LATS2: variants seen among roughly 807,000 people sequenced by gnomAD.
LATS2 encodes the protein large tumor suppressor kinase 2.
LATS2 carries 24 observed loss-of-function variants against 76.0 expected under a neutral mutation model. That is an observed-to-expected ratio of 0.32 (90% CI 0.23 to 0.44). The LOEUF is 0.44. LATS2 is among the 20% of genes least tolerant of loss of function. The probability of loss-of-function intolerance (pLI) is 1.00; values close to 1 mark genes in which losing one functional copy is unlikely to be tolerated. For synonymous variants in LATS2, 692 were observed against 635.4 expected (o/e 1.09, Z -1.34); for missense variants, 1,286 against 1,481.2 (o/e 0.87, Z 2.16).
chr13:20,987,265 G>A (rs1278524387), intron 4 of LATS2, among the ~76,000 whole-genome samples: 1 of 151,956 alleles, frequency 6.6e-6, no homozygotes, highest in Non-Finnish European at 1.5e-5. Flanking sequence ...AAAAAAATCA[G>A]TGAATACGGG....
chr13:21,054,250 G>C (rs1382805753), intron 1 of LATS2, among the ~76,000 whole-genome samples: 1 of 152,066 alleles, frequency 6.6e-6, no homozygotes, highest in African/African-American at 2.4e-5. Flanking sequence ...CTTGAGGTCA[G>C]GAGTTCAAGA....
chr13:21,004,180 CA>C (rs1384702451), intron 2 of LATS2, among the ~76,000 whole-genome samples: 1 of 152,118 alleles, frequency 6.6e-6, no homozygotes, highest in Admixed American at 6.5e-5. Flanking sequence ...CACGCCTCAC[CA>C]ACCCAGCACT....
chr13:21,059,240 G>T (rs1038411037), intron 1 of LATS2, among the ~76,000 whole-genome samples: 1 of 152,110 alleles, frequency 6.6e-6, no homozygotes, highest in Non-Finnish European at 1.5e-5. Flanking sequence ...ATTTTTTACC[G>T]GCCAAATGTA....
chr13:21,060,377 C>T lies in LATS2; in HGVS notation c.-205+969G>A, dbSNP rs890810463. The stretch of plus-strand genomic sequence containing the variant: ...CATCAGAAGAGAAAGCCAAACCCCC[C>T]ACACGTCGCTAAACTAGGGCACGGG... On this transcript the variant is annotated intron_variant, in intron 1 of 7. Coordinates refer to ENST00000382592, the MANE Select transcript of LATS2 (RefSeq NM_014572.3). 3.3e-5 allele frequency among the ~76,000 whole-genome samples: 5 copies of T among 152,364 alleles called. No homozygotes were observed. The East Asian group carries it at 5.8e-4, about 18-fold the overall frequency.
chr13:20,981,754 C>T (rs1863350017), intron 5 of LATS2, 106 bp from the exon 6 acceptor site: 3 of 894,622 alleles, frequency 3.4e-6, no homozygotes, highest in Non-Finnish European at 5.0e-6. Flanking sequence ...CAAAGTCATT[C>T]CAATCAGCTC....
intron 2 of LATS2, among the ~76,000 whole-genome samples, chr13:21,031,462 T>C (rs962760394): frequency 1.3e-5 from 2 of 152,250 alleles, no homozygotes; most frequent in African/African-American, 4.8e-5. Context: ...GTACCTAATG[T>C]TATGTTGAGA....
intron 7 of LATS2, among the ~76,000 whole-genome samples, chr13:20,977,142 T>A (rs766153701): frequency 1.1e-4 from 17 of 152,102 alleles, no homozygotes; most frequent in Non-Finnish European, 1.9e-4. Context: ...ACACCTATAA[T>A]CCCAACATTT....
intron 2 of LATS2, chr13:21,005,837 G>A (rs1005058013): frequency 3.3e-5 from 5 of 151,008 alleles, no homozygotes; most frequent in African/African-American, 1.2e-4. Flanking sequence ...CGGAGGCCAG[G>A]CGCAGTGGCT....
At chr13:21,049,259 A>G (rs1873179008) in intron 1 of LATS2, among the ~76,000 whole-genome samples, 1 of 152,206 alleles carries the variant, frequency 6.6e-6, no homozygotes, top group South Asian at 2.1e-4. Flanking sequence ...CTCAGTGCAG[A>G]GGATGGGCAG....
rs537101336 is a variant in LATS2, at chr13:20,999,983, T to C, written c.343-8579A>G. ...AGGCGGAGGTTGCAGTGAGTCAAGATCACGCAGCAGAGCAAGTCTCCATCA... is the reference window on the plus strand; with the variant it reads ...AGGCGGAGGTTGCAGTGAGTCAAGACCACGCAGCAGAGCAAGTCTCCATCA... On this transcript the variant is annotated intron_variant, in intron 2 of 7. Coordinates refer to ENST00000382592, the MANE Select transcript of LATS2 (RefSeq NM_014572.3). 1.1e-3 allele frequency among the ~76,000 whole-genome samples: 165 copies of C among 151,212 alleles called. 1 individual carries two copies. The highest frequency in any genetic ancestry group is 0.01 in the Middle Eastern group (3 of 290).
intron 2 of LATS2, among the ~76,000 whole-genome samples, chr13:21,044,467 C>T (rs776273141): frequency 1.3e-5 from 2 of 152,174 alleles, no homozygotes; most frequent in Non-Finnish European, 2.9e-5. Flanking sequence ...CTTATTTCCG[C>T]TTCATGCAAC....
chr13:20,973,151 T>C lies in LATS2; in HGVS notation c.*1719A>G, dbSNP rs1422568695. 1 of 232,400 alleles carries C rather than the reference T, an allele frequency of 4.3e-6. No homozygotes were observed. Among genetic ancestry groups the C allele is most frequent in the Admixed American group, 5.6e-5 (1 of 17,740 alleles). The allele number at this position is 232,400 out of a possible 1,614,324, so 14.4% of individuals were successfully genotyped here. ...TGAGAAAGAACCTACCACATGAAAG[T>C]ATGTCAGAGCGCTGTGAGTAACAAC... On this transcript the variant is annotated 3_prime_UTR_variant, in exon 8 of 8. Transcript: ENST00000382592.
chr13:20,992,250 T>A (rs181121166), intron 2 of LATS2, among the ~76,000 whole-genome samples: 1 of 151,332 alleles, frequency 6.6e-6, no homozygotes, highest in Non-Finnish European at 1.5e-5. Flanking sequence ...CACGCAAGGG[T>A]AGGTGGAGAT....
At chr13:20,992,764 T>C (rs1595219890) in intron 2 of LATS2, among the ~76,000 whole-genome samples, 3 of 151,870 alleles carry the variant, frequency 2.0e-5, no homozygotes, top group Admixed American at 2.0e-4. Context: ...TGGCTGGGCG[T>C]GGTGGCTCAC....
chr13:21,058,812 A>G (rs1475740769), intron 1 of LATS2, among the ~76,000 whole-genome samples: 1 of 152,194 alleles, frequency 6.6e-6, no homozygotes, highest in Non-Finnish European at 1.5e-5. Flanking sequence ...TGCCTTCTAT[A>G]CCTGCATGAG....
intron 2 of LATS2, among the ~76,000 whole-genome samples, chr13:20,998,967 T>C (rs1055380996): frequency 4.7e-5 from 7 of 150,210 alleles, no homozygotes; most frequent in African/African-American, 1.5e-4. Flanking sequence ...CTGGTGACCT[T>C]TTCCACGACC....
In LATS2 at chr13:20,987,947, C is replaced by T. The variant is rs56352620; in HGVS notation, c.1833G>A (p.Glu611=). Residue 611 remains glutamate (E), a synonymous_variant, in exon 4 of 8, where the codon GAG becomes GAA. Transcript: ENST00000382592. The part of the protein sequence containing the change: ...AFKFFMEQHV[E]NVIKTYQQKV... ...TCTGCTGGTAGGTTTTGATGACATT[C>T]TCCACGTGCTGCTCCATGAAGAACT... 1.0e-4 allele frequency: 166 copies of T among 1,614,250 alleles called. 1 individual carries two copies. In the East Asian group the frequency reaches 1.8e-3, roughly 17 times the overall value.
intron 2 of LATS2, among the ~76,000 whole-genome samples, chr13:21,010,585 A>G (rs1405117627): frequency 6.6e-6 from 1 of 152,236 alleles, no homozygotes; most frequent in East Asian, 1.9e-4. Flanking sequence ...ATAAAATTAC[A>G]TCAGTAAAAA....
intron 2 of LATS2, among the ~76,000 whole-genome samples, chr13:21,008,221 G>T (rs1784562828): frequency 1.3e-5 from 2 of 152,122 alleles, no homozygotes; most frequent in South Asian, 4.1e-4. Context: ...CTCGGGCACC[G>T]CATCCAGGGG....
Sources: gnomAD v4.1 joint callset for allele counts (sites outside exome capture counted in the v4.1 genomes callset) on GRCh38, gnomAD v4.1.1 for gene constraint, MANE v1.5 for transcripts, NCBI Gene and HGNC (gene_info 2026-07-23, HGNC 2026-07-21) for gene names.